The following CGNL1 variants were observed in gnomAD, a reference collection of about 807,000 sequenced individuals.
CGNL1 encodes the protein cingulin-like protein 1.
CGNL1 carries 132 observed loss-of-function variants against 141.2 expected under a neutral mutation model. The observed-to-expected ratio is 0.93, with a 90% CI of 0.81 to 1.08. The LOEUF (loss-of-function observed/expected upper bound fraction) is 1.08, where lower values mean the gene tolerates loss of function less well. CGNL1 is among the 50% of genes least tolerant of loss of function. CGNL1 has a pLI of 0.00. For synonymous variants in CGNL1, 690 were observed against 622.1 expected (o/e 1.11, Z -1.63); for missense variants, 1,870 against 1,588.6 (o/e 1.18, Z -3.01).
chr15:57,428,818 A>T (rs2063009936), intron 1 of CGNL1, among the ~76,000 whole-genome samples: 1 of 151,996 alleles, frequency 6.6e-6, no homozygotes. Context: ...AGGTCAGGAG[A>T]TCGAGACCAT....
intron 14 of CGNL1, among the ~76,000 whole-genome samples, chr15:57,537,659 G>T (rs2032334979): frequency 6.6e-6 from 1 of 152,106 alleles, no homozygotes; most frequent in East Asian, 1.9e-4. Context: ...ATCACAAATA[G>T]CTCTGGCTTT....
At position 57,438,110 on chromosome 15, in the gene CGNL1, A is replaced by C. The variant is rs566024340; in HGVS notation, c.111A>C (p.Ala37=). The C allele has an allele frequency of 6.2e-7, 1 of 1,614,178 alleles. No homozygotes were observed. Among genetic ancestry groups the C allele is most frequent in the Non-Finnish European group, 8.5e-7 (1 of 1,180,022 alleles). ...CAAGGAGTTCCCAGAACTCCAAGGC[A>C]GGCTCCTACGGTGTCAGTATTCGGG... ...QKSRSSQNSK[A]GSYGVSIRVQ... is the part of the protein sequence containing the mutation. Residue 37 remains alanine, a synonymous_variant, in exon 2 of 19, where the codon GCA becomes GCC. Transcript: ENST00000281282.
At position 57,438,367 on chromosome 15, in the gene CGNL1, A is replaced by T; in HGVS notation, c.368A>T (p.His123Leu). 6.2e-7 allele frequency: 1 copy of T among 1,614,168 alleles called. No individual in the cohort carries two copies. Among genetic ancestry groups the T allele is most frequent in the South Asian group, 1.1e-5 (1 of 91,082 alleles). The change falls in exon 2 of 19, where the codon CAT (histidine) becomes CTT (leucine). Residue 123 changes from histidine (H) to leucine (L), a missense_variant. Physicochemically the swap from His to Leu is moderately conservative, Grantham distance 99. Transcript: ENST00000281282. ...PIRNLKQPLL[H>L]EGKNGVLDRK... ...AGAAACCTGAAACAGCCCCTGCTCC[A>T]TGAGGGCAAGAATGGAGTTCTAGAT...
chr15:57,486,299 T>C (rs1037303005), intron 8 of CGNL1, among the ~76,000 whole-genome samples: 13 of 152,142 alleles, frequency 8.5e-5, no homozygotes, highest in African/African-American at 3.1e-4. Context: ...TAGGGCCACA[T>C]GACTTTGTTT....
intron 10 of CGNL1, among the ~76,000 whole-genome samples, chr15:57,522,281 G>A (rs544596617): frequency 2.0e-3 from 299 of 152,338 alleles, no homozygotes; most frequent in Non-Finnish European, 3.7e-3. Context: ...CCGGAAGGCC[G>A]CTATGGGTCG....
chr15:57,534,202 T>A (rs1197618010), intron 14 of CGNL1, among the ~76,000 whole-genome samples: 3 of 152,238 alleles, frequency 2.0e-5, no homozygotes, highest in South Asian at 4.1e-4. Flanking sequence ...GTCTATAACC[T>A]CTTTCCCTAC....
At chr15:57,396,609 A>G (rs190627335) in intron 1 of CGNL1, among the ~76,000 whole-genome samples, 288 of 152,248 alleles carry the variant, frequency 1.9e-3, no homozygotes, top group Non-Finnish European at 2.3e-3. Context: ...TTGTATACGT[A>G]TACGGCTCTT....
At chr15:57,447,461 G>C (rs1039604536) in intron 4 of CGNL1, among the ~76,000 whole-genome samples, 1 of 152,180 alleles carries the variant, frequency 6.6e-6, no homozygotes, top group Non-Finnish European at 1.5e-5. Flanking sequence ...TTTGACCTCA[G>C]TTGGCTCCAT....
intron 1 of CGNL1, among the ~76,000 whole-genome samples, chr15:57,419,401 A>G (rs2062888349): frequency 1.3e-5 from 2 of 152,224 alleles, no homozygotes; most frequent in African/African-American, 2.4e-5. Context: ...ATTATTAGCT[A>G]GAGTCCACAC....
chr15:57,496,635 G>A (rs746211374), intron 8 of CGNL1, among the ~76,000 whole-genome samples: 1 of 152,164 alleles, frequency 6.6e-6, no homozygotes, highest in Admixed American at 6.5e-5. Context: ...GATCAAGAAA[G>A]AGGTTGGTGG....
At chr15:57,509,583 G>A (rs2030045187) in intron 8 of CGNL1, among the ~76,000 whole-genome samples, 2 of 152,284 alleles carry the variant, frequency 1.3e-5, no homozygotes, top group African/African-American at 2.4e-5. Context: ...GCCATGGGGG[G>A]TTTGGTACTC....
At chr15:57,508,077 C>T (rs1294244631) in intron 8 of CGNL1, among the ~76,000 whole-genome samples, 1 of 152,188 alleles carries the variant, frequency 6.6e-6, no homozygotes, top group African/African-American at 2.4e-5. Context: ...ATCAACTCTT[C>T]CTTGGAAATA....
chr15:57,390,779 G>T (rs775069053), intron 1 of CGNL1, among the ~76,000 whole-genome samples: 1 of 152,066 alleles, frequency 6.6e-6, no homozygotes, highest in Non-Finnish European at 1.5e-5. Flanking sequence ...GATGGGGCTC[G>T]TGGGAGTGCT....
intron 1 of CGNL1, among the ~76,000 whole-genome samples, chr15:57,379,479 T>G (rs554552841): frequency 6.6e-6 from 1 of 152,222 alleles, no homozygotes; most frequent in Non-Finnish European, 1.5e-5. Context: ...TTTTTTTCTT[T>G]GTTTAATTTG....
intron 8 of CGNL1, among the ~76,000 whole-genome samples, chr15:57,480,747 C>T (rs2063714964): frequency 6.6e-6 from 1 of 152,114 alleles, no homozygotes. Flanking sequence ...AAATTGTATG[C>T]TCTGGCTGAG....
chr15:57,378,398 T>G (rs1210624923), intron 1 of CGNL1, among the ~76,000 whole-genome samples: 2 of 81,932 alleles, frequency 2.4e-5, no homozygotes, highest in Non-Finnish European at 2.3e-5. Flanking sequence ...TTTTTTTTTT[T>G]GAGACAGAGT....
chr15:57,435,012 A>G (rs886535260), intron 1 of CGNL1, among the ~76,000 whole-genome samples: 1 of 152,130 alleles, frequency 6.6e-6, no homozygotes, highest in Non-Finnish European at 1.5e-5. Flanking sequence ...GACTGTAAAA[A>G]AGAGGTCACC....
chr15:57,473,893 CTTCTTCTTTTTTTTT>C (rs1413005011), intron 8 of CGNL1, among the ~76,000 whole-genome samples: 4 of 108,158 alleles, frequency 3.7e-5, no homozygotes, highest in Non-Finnish European at 7.4e-5. Context: ...TCTTCTTCTT[CTTCTTCTTTTTTTTT>C]TTTTTTTTTT....
At chr15:57,416,883 A>T (rs2062854835) in intron 1 of CGNL1, among the ~76,000 whole-genome samples, 1 of 152,184 alleles carries the variant, frequency 6.6e-6, no homozygotes, top group Non-Finnish European at 1.5e-5. Flanking sequence ...TAGGCCCCCA[A>T]CCAACATCTA....
Sources: allele counts gnomAD v4.1 joint callset (sites outside exome capture counted in the v4.1 genomes callset), GRCh38; gene constraint gnomAD v4.1.1; transcripts MANE v1.5; gene names NCBI Gene and HGNC (gene_info 2026-07-23, HGNC 2026-07-21).